Variants in RAD51B observed in about 807,000 individuals in gnomAD.
RAD51B encodes the protein DNA repair protein RAD51 homolog 2.
RAD51B carries 38 observed loss-of-function variants against 42.2 expected under a neutral mutation model. That is an observed-to-expected ratio of 0.90 (90% CI 0.70 to 1.18). The LOEUF (loss-of-function observed/expected upper bound fraction) is 1.18, where lower values mean the gene tolerates loss of function less well. Ranked by LOEUF, RAD51B falls within the 50% of genes most tolerant of loss-of-function variation. The pLI is 0.00. For synonymous variants in RAD51B, 154 were observed against 145.2 expected (o/e 1.06, Z -0.43); for missense variants, 373 against 400.7 (o/e 0.93, Z 0.59).
chr14:68,136,270 A>G lies in RAD51B; in HGVS notation c.757-155614A>G, dbSNP rs17105031. Among the ~76,000 whole-genome samples the G allele has an allele frequency of 7.5e-3, 1,144 of 152,304 alleles. 14 individuals carry two copies. The highest frequency in any genetic ancestry group is 0.027 in the African/African-American group (1,106 of 41,534). On this transcript the variant is annotated intron_variant, in intron 7 of 10. Coordinates refer to ENST00000471583, the MANE Select transcript of RAD51B (RefSeq NM_133510.4). ...TTTGTTTTGCTGTGAGCAGGGTCAC[A>G]TATGACAAATTAAAGGTGGATCAGG...
At chr14:68,323,089 T>C (rs1268868737) in intron 8 of RAD51B, among the ~76,000 whole-genome samples, 1 of 152,168 alleles carries the variant, frequency 6.6e-6, no homozygotes, top group Non-Finnish European at 1.5e-5. Context: ...AGCCCAGAGC[T>C]GTTTTTCCCC....
At chr14:68,196,170 G>A (rs1231193890) in intron 7 of RAD51B, among the ~76,000 whole-genome samples, 3 of 147,698 alleles carry the variant, frequency 2.0e-5, no homozygotes, top group Non-Finnish European at 3.0e-5. Flanking sequence ...CAGCCTGGGC[G>A]ACAGAGTGAG....
chr14:68,154,935 C>T (rs1208524142), intron 7 of RAD51B, among the ~76,000 whole-genome samples: 1 of 152,148 alleles, frequency 6.6e-6, no homozygotes, highest in Non-Finnish European at 1.5e-5. Context: ...AGATCCATGA[C>T]ATTTCATTAT....
At chr14:68,488,602 C>A (rs1270282430) in intron 10 of RAD51B, among the ~76,000 whole-genome samples, 1 of 152,200 alleles carries the variant, frequency 6.6e-6, no homozygotes, top group African/African-American at 2.4e-5. Context: ...CAGTAAGAAT[C>A]CTGCCATGTC....
At chr14:68,275,840 A>ACACACACACACACC (rs780326389) in intron 7 of RAD51B, among the ~76,000 whole-genome samples, 10 of 134,948 alleles carry the variant, frequency 7.4e-5, no homozygotes, top group African/African-American at 2.9e-4. Flanking sequence ...ACACACACAC[A>ACACACACACACACC]CCCTTGAATT....
intron 7 of RAD51B, among the ~76,000 whole-genome samples, chr14:68,209,695 G>T (rs772614068): frequency 2.0e-5 from 3 of 152,124 alleles, no homozygotes; most frequent in Non-Finnish European, 4.4e-5. Flanking sequence ...CTGCCCTTCG[G>T]ATACACATGC....
At chr14:68,184,366 G>A (rs1289951824) in intron 7 of RAD51B, among the ~76,000 whole-genome samples, 4 of 152,106 alleles carry the variant, frequency 2.6e-5, no homozygotes, top group Non-Finnish European at 4.4e-5. Flanking sequence ...CTCCTGAGTA[G>A]CTGGGACTAC....
chr14:68,222,940 C>G (rs1335505839), intron 7 of RAD51B, among the ~76,000 whole-genome samples: 1 of 152,146 alleles, frequency 6.6e-6, no homozygotes, highest in African/African-American at 2.4e-5. Flanking sequence ...ATACCCTGAC[C>G]AGTCACAGAT....
At chr14:67,856,542 G>A (rs1168162855) in intron 4 of RAD51B, among the ~76,000 whole-genome samples, 1 of 152,092 alleles carries the variant, frequency 6.6e-6, no homozygotes, top group Non-Finnish European at 1.5e-5. Flanking sequence ...TTTAAAACAT[G>A]CTCACTGGTT....
chr14:67,961,313 C>T (rs1417440824), intron 7 of RAD51B, among the ~76,000 whole-genome samples: 5 of 152,116 alleles, frequency 3.3e-5, no homozygotes, highest in African/African-American at 4.8e-5. Flanking sequence ...GTTGGAATTT[C>T]CTTTTTTCGA....
chr14:67,992,243 G>C (rs1018814669), intron 7 of RAD51B, among the ~76,000 whole-genome samples: 2 of 152,170 alleles, frequency 1.3e-5, no homozygotes, highest in Non-Finnish European at 2.9e-5. Context: ...CATAATAGCT[G>C]TCTCCTGATA....
chr14:67,993,297 A>T (rs1053347614), intron 7 of RAD51B, among the ~76,000 whole-genome samples: 28 of 151,954 alleles, frequency 1.8e-4, no homozygotes, highest in Non-Finnish European at 2.9e-5. Flanking sequence ...AATTCTATCT[A>T]ATTATATTTT....
At chr14:68,117,226 A>G (rs752529686) in intron 7 of RAD51B, among the ~76,000 whole-genome samples, 1 of 152,114 alleles carries the variant, frequency 6.6e-6, no homozygotes, top group Admixed American at 6.6e-5. Context: ...ATAGTTTTAT[A>G]TATTTTTTAT....
chr14:68,273,367 G>C (rs925057445), intron 7 of RAD51B, among the ~76,000 whole-genome samples: 2 of 152,146 alleles, frequency 1.3e-5, no homozygotes, highest in Admixed American at 1.3e-4. Context: ...CAAAGCTCCC[G>C]GACCAGGCTG....
chr14:68,350,279 T>C (rs912478488), intron 8 of RAD51B, among the ~76,000 whole-genome samples: 5 of 152,196 alleles, frequency 3.3e-5, no homozygotes, highest in Non-Finnish European at 7.3e-5. Flanking sequence ...GTCCAACAAA[T>C]TGCATTCTGA....
In RAD51B at chr14:68,315,850, CTT is replaced by C. The variant is rs2082050844; in HGVS notation, c.853+23872_853+23873del. ...AAAACTTTAGTTTTACTTGAACTGA[CTT>C]TATATTAATTTTCTACTACTAGAAC... On this transcript the variant is annotated intron_variant, in intron 8 of 10. Transcript: ENST00000471583. Among the ~76,000 whole-genome samples the C allele has an allele frequency of 7.2e-5, 11 of 152,276 alleles. No homozygotes were observed. In the South Asian group the frequency reaches 2.3e-3, roughly 32 times the overall value.
chr14:68,523,266 C>G (rs1187009259), intron 10 of RAD51B, among the ~76,000 whole-genome samples: 1 of 152,134 alleles, frequency 6.6e-6, no homozygotes, highest in Non-Finnish European at 1.5e-5. Context: ...GGATGGGAAG[C>G]CTGAGGGCTT....
At chr14:68,369,804 A>G (rs1357103287) in intron 8 of RAD51B, among the ~76,000 whole-genome samples, 1 of 152,184 alleles carries the variant, frequency 6.6e-6, no homozygotes, top group African/African-American at 2.4e-5. Context: ...CACAGAAGTC[A>G]TTTCTGGACA....
intron 7 of RAD51B, among the ~76,000 whole-genome samples, chr14:68,271,603 T>C (rs531738134): frequency 6.6e-6 from 1 of 152,354 alleles, no homozygotes; most frequent in South Asian, 2.1e-4. Flanking sequence ...CTTCCAGTTA[T>C]GGCTCTCCCA....
Sources: gnomAD v4.1 joint callset for allele counts (sites outside exome capture counted in the v4.1 genomes callset) on GRCh38, gnomAD v4.1.1 for gene constraint, MANE v1.5 for transcripts, NCBI Gene and HGNC (gene_info 2026-07-23, HGNC 2026-07-21) for gene names.